ATP2B2: variants seen among roughly 807,000 people sequenced by gnomAD.
ATP2B2 encodes the protein ATPase plasma membrane Ca2+ transporting 2.
ATP2B2 carries 15 observed loss-of-function variants against 120.0 expected under a neutral mutation model. That is an observed-to-expected ratio of 0.12 (90% CI 0.08 to 0.19). The LOEUF (loss-of-function observed/expected upper bound fraction) is 0.19, where lower values mean the gene tolerates loss of function less well. ATP2B2 is among the 10% of genes least tolerant of loss of function. The pLI, the probability that ATP2B2 is intolerant of heterozygous loss-of-function variation, is 1.00. For synonymous variants in ATP2B2, 694 were observed against 700.3 expected (o/e 0.99, Z 0.14); for missense variants, 1,045 against 1,719.8 (o/e 0.61, Z 6.94).
At chr3:10,600,961 G>T (rs2068892780) in intron 2 of ATP2B2, among the ~76,000 whole-genome samples, 1 of 152,148 alleles carries the variant, frequency 6.6e-6, no homozygotes, top group African/African-American at 2.4e-5. Context: ...GTGTATGGTT[G>T]TGACTCACCA....
intron 14 of ATP2B2, among the ~76,000 whole-genome samples, chr3:10,357,267 G>A (rs2060763127): frequency 6.6e-6 from 1 of 152,144 alleles, no homozygotes; most frequent in Non-Finnish European, 1.5e-5. Flanking sequence ...GGGGGTGTGT[G>A]TGATACTATT....
chr3:10,567,290 A>G (rs1477199808), intron 2 of ATP2B2, among the ~76,000 whole-genome samples: 1 of 152,238 alleles, frequency 6.6e-6, no homozygotes, highest in Non-Finnish European at 1.5e-5. Context: ...TCCTGAAACA[A>G]AAGTCTCAGC....
chr3:10,517,116 A>T (rs1432679098), intron 3 of ATP2B2, among the ~76,000 whole-genome samples: 1 of 152,248 alleles, frequency 6.6e-6, no homozygotes, highest in Non-Finnish European at 1.5e-5. Flanking sequence ...TGAGGAGTCT[A>T]CAAAGAATGA....
At chr3:10,589,010 A>G (rs1279760863) in intron 2 of ATP2B2, among the ~76,000 whole-genome samples, 1 of 152,166 alleles carries the variant, frequency 6.6e-6, no homozygotes, top group East Asian at 1.9e-4. Flanking sequence ...TTAAGGGCAT[A>G]AACTGGGCGG....
intron 1 of ATP2B2, among the ~76,000 whole-genome samples, chr3:10,496,909 A>G (rs1199539724): frequency 6.7e-5 from 10 of 149,670 alleles, no homozygotes; most frequent in Admixed American, 6.7e-4. Flanking sequence ...TTGTGGCCCT[A>G]GCCTGTCTGG....
At chr3:10,443,509 T>C (rs2063736257) in intron 2 of ATP2B2, among the ~76,000 whole-genome samples, 1 of 152,154 alleles carries the variant, frequency 6.6e-6, no homozygotes, top group African/African-American at 2.4e-5. Flanking sequence ...AGGAAAGGCC[T>C]GGCTGCCGCA....
intron 2 of ATP2B2, among the ~76,000 whole-genome samples, chr3:10,546,148 G>T (rs2067540995): frequency 6.6e-6 from 1 of 152,200 alleles, no homozygotes; most frequent in African/African-American, 2.4e-5. Context: ...GCATGCCGGA[G>T]GCCAGTTGTG....
chr3:10,324,431 A>G lies in ATP2B2; in HGVS notation c.*4383T>C, dbSNP rs1184687964. 1 of 152,146 alleles carries G rather than the reference A, an allele frequency of 6.6e-6. No homozygotes were observed. Among genetic ancestry groups the G allele is most frequent in the Non-Finnish European group, 1.5e-5 (1 of 68,052 alleles). 9.4% of individuals were successfully genotyped at this position (152,146 alleles called of 1,614,324 possible). On this transcript the variant is annotated 3_prime_UTR_variant, in exon 23 of 23. Transcript: ENST00000360273. ...CTGGGGCTGGGGACCCTCCTCCCCC[A>G]CCTGGGTTGGTATGATCTCTACATT...
chr3:10,349,992 G>T, intron 16 of ATP2B2, 120 bp downstream of exon 16: 1 of 999,686 alleles, frequency 1.0e-6, no homozygotes. Context: ...CCCAGGTGTG[G>T]AGAGTCAGGG....
At chr3:10,517,365 T>G (rs970472164) in intron 3 of ATP2B2, among the ~76,000 whole-genome samples, 1 of 152,192 alleles carries the variant, frequency 6.6e-6, no homozygotes, top group Non-Finnish European at 1.5e-5. Context: ...AGGACAAATA[T>G]TCTGGGTCCT....
In ATP2B2 at chr3:10,346,618, C is replaced by G. The variant is rs149633761; in HGVS notation, c.2405-481G>C. Among the ~76,000 whole-genome samples, 7 of 152,324 alleles carry G rather than the reference C, an allele frequency of 4.6e-5. No individual in the cohort carries two copies. The highest frequency in any genetic ancestry group is 9.6e-5 in the African/African-American group (4 of 41,580). On this transcript the variant is annotated intron_variant, in intron 16 of 22. Coordinates refer to ENST00000360273, the MANE Select transcript of ATP2B2 (RefSeq NM_001001331.4). The surrounding 1 kb of genome is among the most constrained non-coding windows in gnomAD (Gnocchi z 4.1). Reference sequence around the variant, plus strand: ...CATTTGCCAGTGACCTCTGCCCCACCATTCTGGCCCTGACCTCCCTCCAGA... The same window carrying G: ...CATTTGCCAGTGACCTCTGCCCCACGATTCTGGCCCTGACCTCCCTCCAGA...
chr3:10,436,307 A>G (rs530348513), intron 2 of ATP2B2, among the ~76,000 whole-genome samples: 26 of 152,204 alleles, frequency 1.7e-4, no homozygotes, highest in South Asian at 2.1e-4. Flanking sequence ...ACTATTATCT[A>G]TTCTCTCTAG....
chr3:10,343,093 C>T lies in ATP2B2; in HGVS notation c.2704-128G>A. The stretch of plus-strand genomic sequence containing the variant: ...GGAGTCCGACCTGCCCCTTGGCTCC[C>T]CAGCAGGCATGGAGTTGTTCTCTGA... On this transcript the variant is annotated intron_variant, in intron 18 of 22. Transcript: ENST00000360273. The surrounding 1 kb of genome is among the most constrained non-coding windows in gnomAD (Gnocchi z 4.2). The T allele has an allele frequency of 4.3e-6, 4 of 921,778 alleles. No homozygotes were observed. The Admixed American group carries it at 8.3e-5, about 19-fold the overall frequency. 57.1% of individuals were successfully genotyped at this position (921,778 alleles called of 1,614,324 possible).
intron 5 of ATP2B2, 90 bp from the exon 6 acceptor site, chr3:10,388,492 G>C: frequency 6.3e-7 from 1 of 1,588,428 alleles, no homozygotes; most frequent in Non-Finnish European, 8.6e-7. Flanking sequence ...GTCAGCTCCT[G>C]GCTCTTTGCC....
chr3:10,508,706 ATG>A (rs1240551766), upstream of ATP2B2, among the ~76,000 whole-genome samples: 2 of 152,018 alleles, frequency 1.3e-5, no homozygotes, highest in African/African-American at 4.8e-5. Context: ...GCCTTCCAGG[ATG>A]TGTTGGGGGG....
chr3:10,695,337 T>G lies in ATP2B2; in HGVS notation c.-460+12578A>C, dbSNP rs182391590. On this transcript the variant is annotated intron_variant, in intron 1 of 21. Coordinates refer to the ATP2B2 transcript ENST00000646379. ...TTAAAACCATCAGATCTTGTGAGCC[T>G]TATTCACTATCATGAGAACAGCACA... 3.3e-3 allele frequency among the ~76,000 whole-genome samples: 500 copies of G among 151,786 alleles called. 2 individuals are homozygous for G. The highest frequency in any genetic ancestry group is 9.2e-3 in the African/African-American group (381 of 41,284).
At chr3:10,508,230 A>G (rs1220177610), upstream of ATP2B2, among the ~76,000 whole-genome samples, 1 of 152,182 alleles carries the variant, frequency 6.6e-6, no homozygotes, top group East Asian at 1.9e-4. Context: ...TTGAACAGCA[A>G]AGTTTGAAGG....
chr3:10,647,723 G>C (rs536222360), intron 1 of ATP2B2, among the ~76,000 whole-genome samples: 1 of 152,318 alleles, frequency 6.6e-6, no homozygotes, highest in South Asian at 2.1e-4. Flanking sequence ...TCAAAGGAAG[G>C]AATAGTTTTT....
intron 2 of ATP2B2, among the ~76,000 whole-genome samples, chr3:10,587,385 T>A (rs888562126): frequency 9.2e-5 from 14 of 151,488 alleles, no homozygotes; most frequent in Non-Finnish European, 1.8e-4. Context: ...TTAATTAATT[T>A]ATTTTTATTT....
Sources: gnomAD v4.1 joint callset for allele counts (sites outside exome capture counted in the v4.1 genomes callset) on GRCh38, gnomAD v4.1.1 for gene constraint, Gnocchi (gnomAD v3.1) non-coding constraint, MANE v1.5 for transcripts, NCBI Gene and HGNC (gene_info 2026-07-23, HGNC 2026-07-21) for gene names.